The following GTF2H4 variants were observed in gnomAD, a reference collection of about 807,000 sequenced individuals.
GTF2H4 encodes BTF2 p52.
A neutral mutation model predicts 62.2 loss-of-function variants in GTF2H4; 49 were observed. The observed-to-expected ratio is 0.79, with a 90% CI of 0.63 to 1.00. The LOEUF (loss-of-function observed/expected upper bound fraction) is 1.00. GTF2H4 is among the 50% of genes least tolerant of loss of function. GTF2H4 has a pLI of 0.00. For synonymous variants in GTF2H4, 189 were observed against 233.8 expected (o/e 0.81, Z 1.75); for missense variants, 479 against 587.8 (o/e 0.81, Z 1.91).
In GTF2H4 at chr6:30,909,459, C is replaced by A. The variant is rs1416549211; in HGVS notation, c.162C>A (p.Asn54Lys). The stretch of plus-strand genomic sequence containing the variant: ...GGGAGCTCCCATCCTTGGCTAAGAA[C>A]TGGGTGATGCGGATGCTCTTTCTGG... ...VFRELPSLAK[N>K]WVMRMLFLEQ... Residue 54 changes from asparagine (N) to lysine (K), a missense_variant, in exon 3 of 14, where the codon AAC becomes AAA. By Grantham distance (94) the Asn-to-Lys change is moderately conservative. Coordinates refer to ENST00000259895, the MANE Select transcript of GTF2H4 (RefSeq NM_001517.5). The surrounding 1 kb of genome is among the most constrained non-coding windows in gnomAD (Gnocchi z 4.3). 3.1e-6 allele frequency: 5 copies of A among 1,612,420 alleles called. No individual in the cohort carries two copies. The highest frequency in any genetic ancestry group is 1.3e-5 in the African/African-American group (1 of 74,912).
In GTF2H4 at chr6:30,914,101, C is replaced by G; in HGVS notation, c.*118C>G. The G allele has an allele frequency of 9.4e-7, 1 of 1,063,616 alleles. No homozygotes were observed. Among genetic ancestry groups the G allele is most frequent in the Non-Finnish European group, 1.3e-6 (1 of 768,380 alleles). 65.9% of individuals were successfully genotyped at this position (1,063,616 alleles called of 1,614,324 possible). ...TTCTTGTTTAATAAAGTTATGATAG[C>G]TAGCAGTGCGGTCCCGGGCGCCTCC... On this transcript the variant is annotated 3_prime_UTR_variant, in exon 14 of 14. Transcript: ENST00000259895.
In GTF2H4 at chr6:30,909,946, G is replaced by A. The variant is rs770928090; in HGVS notation, c.257G>A (p.Ser86Asn). ...TTCTGTTCCAGGGCTCAGGAGGAAA[G>A]TACAGGGCTGCTGAGCGGCCTCCGG... ...KKEFSKAQEE[S>N]TGLLSGLRIW... Residue 86 changes from serine to asparagine, a missense_variant, in exon 4 of 14, where the codon AGT (serine) becomes AAT (asparagine). Ser to Asn is a conservative substitution (Grantham distance 46). Transcript: ENST00000259895. The surrounding 1 kb of genome is among the most constrained non-coding windows in gnomAD (Gnocchi z 4.3). The A allele has an allele frequency of 2.0e-5, 33 of 1,612,798 alleles. No homozygotes were observed. Among genetic ancestry groups the A allele is most frequent in the Non-Finnish European group, 2.6e-5 (31 of 1,179,984 alleles).
rs1793790972 is a variant in GTF2H4, at chr6:30,912,171, G to T, written c.958+25G>T. Reference sequence around the variant, plus strand: ...GGTGAGGCGGGACAGAGGGCCCCTGGAAGAGGAGGTTGGGGGTGAGGGAAT... The same window carrying T: ...GGTGAGGCGGGACAGAGGGCCCCTGTAAGAGGAGGTTGGGGGTGAGGGAAT... On this transcript the variant is annotated intron_variant, in intron 10 of 13. Transcript: ENST00000259895. The surrounding 1 kb of genome is among the most constrained non-coding windows in gnomAD (Gnocchi z 4.8). 1.9e-6 allele frequency: 3 copies of T among 1,612,214 alleles called. No individual in the cohort carries two copies. The highest frequency in any genetic ancestry group is 2.5e-6 in the Non-Finnish European group (3 of 1,179,502).
At position 30,910,474 on chromosome 6, in the gene GTF2H4, C is replaced by T. The variant is rs1793714020; in HGVS notation, c.375-191C>T. The T allele has an allele frequency of 4.8e-6, 3 of 627,894 alleles. No homozygotes were observed. Among genetic ancestry groups the T allele is most frequent in the Non-Finnish European group, 8.7e-6 (3 of 346,380 alleles). The allele number at this position is 627,894 out of a possible 1,614,324, so 38.9% of individuals were successfully genotyped here. A position where few individuals can be genotyped will look rare whatever the true frequency, so the allele number is the denominator to read the frequency against. ...CCTCCTGAGTAGCTGGGATTACAGG[C>T]ACCCACCACGACGCCAGGCTAATTT... is the stretch of plus-strand genomic sequence containing the variant. On this transcript the variant is annotated intron_variant, in intron 4 of 13. Coordinates refer to ENST00000259895, the MANE Select transcript of GTF2H4 (RefSeq NM_001517.5). The surrounding 1 kb of genome is among the most constrained non-coding windows in gnomAD (Gnocchi z 4.7).
rs762010767 is a variant in GTF2H4, at chr6:30,910,578, A to T, written c.375-87A>T. ...ACTCCTGACCTCAAGTGATCCGCCC[A>T]TCTCGGCCTCCCAAAGTACAGGGAT... On this transcript the variant is annotated intron_variant, in intron 4 of 13. Transcript: ENST00000259895. The surrounding 1 kb of genome is among the most constrained non-coding windows in gnomAD (Gnocchi z 4.7). 20 of 937,648 alleles carry T rather than the reference A, an allele frequency of 2.1e-5. 1 individual carries two copies. The highest frequency in any genetic ancestry group is 3.3e-5 in the Non-Finnish European group (19 of 576,364). 58.1% of individuals were successfully genotyped at this position (937,648 alleles called of 1,614,324 possible).
chr6:30,912,266 A>G lies in GTF2H4; in HGVS notation c.959-62A>G. 1 of 1,603,972 alleles carries G rather than the reference A, an allele frequency of 6.2e-7. No homozygotes were observed. The highest frequency in any genetic ancestry group is 2.2e-5 in the East Asian group (1 of 44,770). On this transcript the variant is annotated intron_variant, in intron 10 of 13. Transcript: ENST00000259895. The surrounding 1 kb of genome is among the most constrained non-coding windows in gnomAD (Gnocchi z 4.8). The stretch of plus-strand genomic sequence containing the variant: ...GACATTTCTCATGACACTTGAAAGA[A>G]GGGCTTGAGGGAGTCTGGGTGTGGG...
In GTF2H4 at chr6:30,911,348, C is replaced by T. The variant is rs1182377819; in HGVS notation, c.672+79C>T. On this transcript the variant is annotated intron_variant, in intron 7 of 13. Coordinates refer to ENST00000259895, the MANE Select transcript of GTF2H4 (RefSeq NM_001517.5). This position sits in a 1 kb window ranked among gnomAD's most constrained non-coding sequence, Gnocchi z 4.3. The stretch of plus-strand genomic sequence containing the variant: ...GAGAGACTCCTGCCTACAGACTGTT[C>T]CCTGATTTTCTCTTCTCTGTCCCTT... 1.5e-5 allele frequency: 23 copies of T among 1,521,556 alleles called. No homozygotes were observed. The highest frequency in any genetic ancestry group is 2.0e-5 in the Non-Finnish European group (22 of 1,097,650). The allele number at this position is 1,521,556 out of a possible 1,614,324, so 94.3% of individuals were successfully genotyped here.
rs1019224576 is a variant in GTF2H4, at chr6:30,910,527, C to T, written c.375-138C>T. 100 of 710,976 alleles carry T rather than the reference C, an allele frequency of 1.4e-4. No homozygotes were observed. Among genetic ancestry groups the T allele is most frequent in the Middle Eastern group, 7.3e-4 (2 of 2,732 alleles). The allele number at this position is 710,976 out of a possible 1,614,324, so 44.0% of individuals were successfully genotyped here. A position where few individuals can be genotyped will look rare whatever the true frequency, so the allele number is the denominator to read the frequency against. ...TGTATTTTTAGTAGAGATGGGGTTT[C>T]GCCATGTTGGCCAGGCTGGTCTTGA... On this transcript the variant is annotated intron_variant, in intron 4 of 13. Transcript: ENST00000259895. The surrounding 1 kb of genome is among the most constrained non-coding windows in gnomAD (Gnocchi z 4.7).
At position 30,913,412 on chromosome 6, in the gene GTF2H4, C is replaced by T; in HGVS notation, c.1216+25C>T. The T allele has an allele frequency of 1.2e-6, 2 of 1,609,464 alleles. No individual in the cohort carries two copies. Among genetic ancestry groups the T allele is most frequent in the Non-Finnish European group, 8.5e-7 (1 of 1,178,364 alleles). On this transcript the variant is annotated intron_variant, in intron 13 of 13. Transcript: ENST00000259895. The surrounding 1 kb of genome is among the most constrained non-coding windows in gnomAD (Gnocchi z 4.2). ...GGTGAGTAGCTTCTGGTGGCCAAGT[C>T]TTGGTCATTGGCCAGAGAAAGGGCA... is the stretch of plus-strand genomic sequence containing the variant.
chr6:30,913,540 G>A lies in GTF2H4; in HGVS notation c.1216+153G>A, dbSNP rs988565097. On this transcript the variant is annotated intron_variant, in intron 13 of 13. Coordinates refer to ENST00000259895, the MANE Select transcript of GTF2H4 (RefSeq NM_001517.5). The surrounding 1 kb of genome is among the most constrained non-coding windows in gnomAD (Gnocchi z 4.2). The stretch of plus-strand genomic sequence containing the variant: ...GGGGTGAGTCGGTAGTAAACAAATC[G>A]TCCCAAATCAATGCACTTTGGATTT... 6.6e-6 allele frequency among the ~76,000 whole-genome samples: 1 copy of A among 152,194 alleles called. No individual in the cohort carries two copies.
rs3218814 is a variant in GTF2H4, at chr6:30,910,802, A to T, written c.471+41A>T. 0.23 allele frequency: 362,795 copies of T among 1,601,530 alleles called. 51,240 individuals are homozygous for T. Among genetic ancestry groups the T allele is most frequent in the East Asian group, 0.58 (25,951 of 44,704 alleles). ...TGTGTGTGTCTCTGCTTGTGCTTCT[A>T]CTTCCCATGGCCCTTGGGGCATGGT... is the stretch of plus-strand genomic sequence containing the variant. On this transcript the variant is annotated intron_variant, in intron 5 of 13. Transcript: ENST00000259895. This position sits in a 1 kb window ranked among gnomAD's most constrained non-coding sequence, Gnocchi z 4.7.
rs187833627 is a variant in GTF2H4, at chr6:30,913,709, C to T, written c.1217-102C>T. 4.3e-6 allele frequency: 5 copies of T among 1,154,482 alleles called. No individual in the cohort carries two copies. In the African/African-American group the frequency reaches 6.3e-5, roughly 14 times the overall value. 71.5% of individuals were successfully genotyped at this position (1,154,482 alleles called of 1,614,324 possible). On this transcript the variant is annotated intron_variant, in intron 13 of 13. Transcript: ENST00000259895. This position sits in a 1 kb window ranked among gnomAD's most constrained non-coding sequence, Gnocchi z 4.2. ...TTGCGGTGGGGGCAAGCCCAGACCG[C>T]GTCCAGGGCTGCCACCAAGGAGCTG...
In GTF2H4 at chr6:30,912,041, C is replaced by G. The variant is rs182381960; in HGVS notation, c.853C>G (p.Arg285Gly). The change falls in exon 10 of 14, where the codon CGC (arginine) becomes GGC (glycine). Residue 285 changes from arginine (R) to glycine (G), a missense_variant. By Grantham distance (125) the Arg-to-Gly change is moderately radical. Coordinates refer to ENST00000259895, the MANE Select transcript of GTF2H4 (RefSeq NM_001517.5). This position sits in a 1 kb window ranked among gnomAD's most constrained non-coding sequence, Gnocchi z 4.8. ...GAAATCTCGGCGTTACTACCCCACA[C>G]GCCTGGCCATCAATCTCTCATCAGG... ...KRKSRRYYPT[R>G]LAINLSSGVS... 6.2e-7 allele frequency: 1 copy of G among 1,612,796 alleles called. No individual in the cohort carries two copies.
rs1393075001 is a variant in GTF2H4 at position 30,911,211 on chromosome 6, T to A, written c.614T>A (p.Leu205Ter). Residue 205 changes from leucine to a stop codon, truncating the protein, a stop_gained, in exon 7 of 14, where the codon TTG (leucine) becomes TAG (stop). Transcript: ENST00000259895. LOFTEE classifies it high-confidence loss of function. This position sits in a 1 kb window ranked among gnomAD's most constrained non-coding sequence, Gnocchi z 4.3. ...CITSAGFQFL[L>*]LDTPAQLWYF... The stretch of plus-strand genomic sequence containing the variant: ...ACTTCCGCTGGCTTCCAGTTCCTGT[T>A]GCTGGACACCCCGGCTCAGCTCTGG... 2 of 1,613,636 alleles carry A rather than the reference T, an allele frequency of 1.2e-6. No individual in the cohort carries two copies. Among genetic ancestry groups the A allele is most frequent in the Middle Eastern group, 1.7e-4 (1 of 5,746 alleles).
At position 30,911,990 on chromosome 6, in the gene GTF2H4, C is replaced by T; in HGVS notation, c.826-24C>T. 1 of 1,611,032 alleles carries T rather than the reference C, an allele frequency of 6.2e-7. No individual in the cohort carries two copies. The highest frequency in any genetic ancestry group is 8.5e-7 in the Non-Finnish European group (1 of 1,178,928). ...TAAGGCAGTGACTTCTGAGACAAGGCATCTGCCTTTCTATTCTTTTCAGAG... is the reference window on the plus strand; with the variant it reads ...TAAGGCAGTGACTTCTGAGACAAGGTATCTGCCTTTCTATTCTTTTCAGAG... On this transcript the variant is annotated intron_variant, in intron 9 of 13. Transcript: ENST00000259895. This position sits in a 1 kb window ranked among gnomAD's most constrained non-coding sequence, Gnocchi z 4.3.
At position 30,913,797 on chromosome 6, in the gene GTF2H4, C is replaced by G. The variant is rs1186435427; in HGVS notation, c.1217-14C>G. 4 of 1,539,160 alleles carry G rather than the reference C, an allele frequency of 2.6e-6. No individual in the cohort carries two copies. Among genetic ancestry groups the G allele is most frequent in the Non-Finnish European group, 3.5e-6 (4 of 1,139,864 alleles). On this transcript the variant is annotated splice_polypyrimidine_tract_variant and intron_variant, in intron 13 of 13. Coordinates refer to ENST00000259895, the MANE Select transcript of GTF2H4 (RefSeq NM_001517.5). This position sits in a 1 kb window ranked among gnomAD's most constrained non-coding sequence, Gnocchi z 4.2. ...CGTCTTCTCCCCGCGCCCCTCCCGT[C>G]CTGCCGACCCCAGGTGTCCTGTATA...
At position 30,910,710 on chromosome 6, in the gene GTF2H4, G is replaced by A. The variant is rs1435774020; in HGVS notation, c.420G>A (p.Lys140=). The A allele has an allele frequency of 3.1e-6, 5 of 1,612,930 alleles. No homozygotes were observed. The African/African-American group carries it at 4.0e-5, about 13-fold the overall frequency. ...SDDTSQLGPD[K]HARDVPSLDK... ...ACACAAGTCAGCTGGGACCAGACAA[G>A]CATGCCCGGGACGTTCCCTCCCTTG... The change falls in exon 5 of 14, where the codon AAG becomes AAA. Residue 140 remains lysine (K), a synonymous_variant. Transcript: ENST00000259895. This position sits in a 1 kb window ranked among gnomAD's most constrained non-coding sequence, Gnocchi z 4.7.
At position 30,909,301 on chromosome 6, in the gene GTF2H4, A is replaced by G; in HGVS notation, c.137+128A>G. The stretch of plus-strand genomic sequence containing the variant: ...GGGCAAGGGTTGGAAATTGCTCTAA[A>G]GTGTGGAGGCCAAAACAGCAGGACT... On this transcript the variant is annotated intron_variant, in intron 2 of 13. Transcript: ENST00000259895. The surrounding 1 kb of genome is among the most constrained non-coding windows in gnomAD (Gnocchi z 4.3). 1 of 1,303,054 alleles carries G rather than the reference A, an allele frequency of 7.7e-7. No individual in the cohort carries two copies. The highest frequency in any genetic ancestry group is 1.1e-6 in the Non-Finnish European group (1 of 943,478). 80.7% of individuals were successfully genotyped at this position (1,303,054 alleles called of 1,614,324 possible).
Position 30,911,562 on chromosome 6 carries a change from TA to T in GTF2H4, c.741+64del. ...GAAAGCAAGTTGTGGGGCAGTAGAG[TA>T]GACTGAGAAGATAAGAATGAAAACA... On this transcript the variant is annotated intron_variant, in intron 8 of 13. Coordinates refer to ENST00000259895, the MANE Select transcript of GTF2H4 (RefSeq NM_001517.5). This position sits in a 1 kb window ranked among gnomAD's most constrained non-coding sequence, Gnocchi z 4.3. 1 of 1,454,240 alleles carries T rather than the reference TA, an allele frequency of 6.9e-7. No individual in the cohort carries two copies. Among genetic ancestry groups the T allele is most frequent in the Non-Finnish European group, 9.6e-7 (1 of 1,042,460 alleles). The allele number at this position is 1,454,240 out of a possible 1,614,324, so 90.1% of individuals were successfully genotyped here.
Sources: gnomAD v4.1 joint callset for allele counts (sites outside exome capture counted in the v4.1 genomes callset) on GRCh38, gnomAD v4.1.1 for gene constraint, Gnocchi (gnomAD v3.1) non-coding constraint, MANE v1.5 for transcripts, NCBI Gene and HGNC (gene_info 2026-07-23, HGNC 2026-07-21) for gene names.